The following PRR11 variants were observed in gnomAD, a reference collection of about 807,000 sequenced individuals.
PRR11 encodes the protein proline rich 11, also known as proline-rich protein 11.
A neutral mutation model predicts 45.6 loss-of-function variants in PRR11; 30 were observed. That is an observed-to-expected ratio of 0.66 (90% CI 0.49 to 0.89). The LOEUF (loss-of-function observed/expected upper bound fraction) is 0.89. Ranked by LOEUF, PRR11 falls within the 40% of genes least tolerant of loss-of-function variation. The probability of loss-of-function intolerance (pLI) is 0.00; values close to 1 mark genes in which losing one functional copy is unlikely to be tolerated. For missense variants in PRR11, 373 were observed against 424.8 expected (o/e 0.88, Z 1.07); for synonymous variants, 128 against 153.5 (o/e 0.83, Z 1.23).
chr17:59,192,351 C>T (rs935401566), intron 4 of PRR11, among the ~76,000 whole-genome samples: 2 of 152,064 alleles, frequency 1.3e-5, no homozygotes, highest in African/African-American at 2.4e-5. Context: ...AAGCACTGTG[C>T]GAAAATAAGC....
chr17:59,156,071 A>G (rs906669019), intron 1 of PRR11, among the ~76,000 whole-genome samples: 2 of 152,078 alleles, frequency 1.3e-5, no homozygotes, highest in Non-Finnish European at 2.9e-5. Flanking sequence ...TTCTTTACAT[A>G]TTTGCTGCTC....
At chr17:59,185,584 G>A in intron 4 of PRR11, 22 bp downstream of exon 4, 1 of 1,574,000 alleles carries the variant, frequency 6.4e-7, no homozygotes, top group Non-Finnish European at 8.6e-7. Flanking sequence ...CAAATAAAAA[G>A]CAAATCTGGA....
intron 3 of PRR11, 95 bp from the exon 4 acceptor site, chr17:59,185,345 C>T: frequency 2.0e-6 from 3 of 1,527,306 alleles, no homozygotes; most frequent in Non-Finnish European, 2.7e-6. Flanking sequence ...GCCTTTGCTT[C>T]TATAAAAACA....
In PRR11 at chr17:59,203,201, T is replaced by G. The variant is rs971834671; in HGVS notation, c.*1570T>G. 6.6e-6 allele frequency among the ~76,000 whole-genome samples: 1 copy of G among 152,184 alleles called. No homozygotes were observed. The highest frequency in any genetic ancestry group is 2.4e-5 in the African/African-American group (1 of 41,528). ...TGTTTTTGAGACCCACATCTATATA[T>G]AGAGATTTTTGTTTGTTTGTTTGTT... On this transcript the variant is annotated 3_prime_UTR_variant, in exon 10 of 10. Coordinates refer to ENST00000262293, the MANE Select transcript of PRR11 (RefSeq NM_018304.4).
intron 2 of PRR11, among the ~76,000 whole-genome samples, chr17:59,172,850 C>T (rs767341909): frequency 2.0e-5 from 3 of 152,354 alleles, no homozygotes; most frequent in African/African-American, 4.8e-5. Context: ...TGACGAGCGC[C>T]GCCCCCTGCT....
chr17:59,204,705 CAA>C lies in PRR11; in HGVS notation c.*3087_*3088del, dbSNP rs776227224. ...TGGACAACAGAGTGAGACCCTGTGTCAAAAAAAAAAAAAAGAAAGAAAGAAAG... is the reference window on the plus strand; with the variant it reads ...TGGACAACAGAGTGAGACCCTGTGTCAAAAAAAAAAAAGAAAGAAAGAAAG... On this transcript the variant is annotated 3_prime_UTR_variant, in exon 10 of 10. Transcript: ENST00000262293. 115 of 113,006 alleles carry C rather than the reference CAA, an allele frequency of 1.0e-3. No homozygotes were observed. The highest frequency in any genetic ancestry group is 1.2e-3 in the Non-Finnish European group (66 of 54,630). 7.0% of individuals were successfully genotyped at this position (113,006 alleles called of 1,614,324 possible).
chr17:59,185,213 G>A lies in PRR11; in HGVS notation c.279+9G>A, dbSNP rs757650324. 6 of 1,612,924 alleles carry A rather than the reference G, an allele frequency of 3.7e-6. No individual in the cohort carries two copies. The South Asian group carries it at 4.4e-5, about 12-fold the overall frequency. Reference sequence around the variant, plus strand: ...AGAACTGCATAACCCAGGTATGGATGTGACATCCCTGTTTTCAGTGCTATA... The same window carrying A: ...AGAACTGCATAACCCAGGTATGGATATGACATCCCTGTTTTCAGTGCTATA... On this transcript the variant is annotated intron_variant, in intron 3 of 9. Transcript: ENST00000262293.
intron 4 of PRR11, 101 bp from the exon 5 acceptor site, chr17:59,193,391 A>G: frequency 1.4e-6 from 2 of 1,403,340 alleles, no homozygotes; most frequent in Non-Finnish European, 2.0e-6. Context: ...TGGTACGCTG[A>G]GAAAGCATTC....
intron 2 of PRR11, among the ~76,000 whole-genome samples, chr17:59,172,391 C>G (rs912001977): frequency 2.0e-5 from 3 of 152,262 alleles, no homozygotes; most frequent in Non-Finnish European, 4.4e-5. Context: ...GCTCGCTTTC[C>G]GTGCCTCCTC....
intron 2 of PRR11, chr17:59,174,923 C>T (rs1354373202): frequency 1.9e-6 from 2 of 1,059,984 alleles, no homozygotes; most frequent in Non-Finnish European, 1.4e-6. Flanking sequence ...CACCTGATTC[C>T]TCCCCACCTC....
rs549948875 is a variant in PRR11, at chr17:59,174,656, G to A, written c.128+4776G>A. Among the ~76,000 whole-genome samples the A allele has an allele frequency of 1.2e-4, 18 of 152,206 alleles. No homozygotes were observed. The South Asian group carries it at 3.1e-3, about 26-fold the overall frequency. On this transcript the variant is annotated intron_variant, in intron 2 of 9. Coordinates refer to ENST00000262293, the MANE Select transcript of PRR11 (RefSeq NM_018304.4). ...CGCCATGTTGCCCAGGCTCGAAGCC[G>A]GATCAAGCAATTGGGTTCCTCGGAT...
At chr17:59,156,099 C>A (rs1481276253) in intron 1 of PRR11, among the ~76,000 whole-genome samples, 4 of 152,204 alleles carry the variant, frequency 2.6e-5, no homozygotes, top group African/African-American at 4.8e-5. Context: ...GTCCACAGAT[C>A]AGCGGCATCC....
intron 2 of PRR11, among the ~76,000 whole-genome samples, chr17:59,178,028 C>T (rs1458069433): frequency 6.6e-6 from 1 of 150,466 alleles, no homozygotes; most frequent in East Asian, 2.0e-4. Context: ...CAGGTGGGCA[C>T]CAAGACTCAA....
At position 59,203,285 on chromosome 17, in the gene PRR11, C is replaced by T. The variant is rs1040686965; in HGVS notation, c.*1654C>T. Among the ~76,000 whole-genome samples the T allele has an allele frequency of 2.0e-5, 3 of 152,008 alleles. No homozygotes were observed. Among genetic ancestry groups the T allele is most frequent in the Admixed American group, 2.0e-4 (3 of 15,238 alleles). On this transcript the variant is annotated 3_prime_UTR_variant, in exon 10 of 10. Transcript: ENST00000262293. The stretch of plus-strand genomic sequence containing the variant: ...TGTCACCCAGGCTGGAGTGCAGTGG[C>T]GCAATCTTGGCTCACTGCAACCTCC...
intron 2 of PRR11, among the ~76,000 whole-genome samples, chr17:59,170,908 G>A (rs530416618): frequency 6.6e-6 from 1 of 152,292 alleles, no homozygotes; most frequent in South Asian, 2.1e-4. Context: ...CAGACGCACT[G>A]CATTGTTCTC....
chr17:59,160,315 A>G (rs1345871646), intron 1 of PRR11, among the ~76,000 whole-genome samples: 2 of 152,216 alleles, frequency 1.3e-5, no homozygotes, highest in Non-Finnish European at 2.9e-5. Context: ...GAACCTATGC[A>G]GTATAACTCC....
chr17:59,165,551 G>A (rs1228242781), intron 1 of PRR11, among the ~76,000 whole-genome samples: 1 of 151,954 alleles, frequency 6.6e-6, no homozygotes, highest in East Asian at 2.0e-4. Context: ...CCAGCACTTT[G>A]GGAGGCCAAG....
At chr17:59,185,611 C>A (rs927289658) in intron 4 of PRR11, 49 bp downstream of exon 4, 7 of 1,472,618 alleles carry the variant, frequency 4.8e-6, no homozygotes, top group Non-Finnish European at 4.6e-6. Context: ...TAAGGAGACA[C>A]TTTTTTTGAA....
In PRR11 at chr17:59,187,326, C is replaced by G. The variant is rs117783815; in HGVS notation, c.402+1764C>G. Among the ~76,000 whole-genome samples the G allele has an allele frequency of 7.0e-4, 106 of 152,258 alleles. 4 individuals are homozygous for G. The East Asian group carries it at 0.019, about 28-fold the overall frequency. ...CGGTGGCTTACCCCTGTAATCCCAC[C>G]ACTTTGGAAGACTGAGGAGGGTGGA... On this transcript the variant is annotated intron_variant, in intron 4 of 9. Coordinates refer to ENST00000262293, the MANE Select transcript of PRR11 (RefSeq NM_018304.4).
Sources: allele counts gnomAD v4.1 joint callset (sites outside exome capture counted in the v4.1 genomes callset), GRCh38; gene constraint gnomAD v4.1.1; transcripts MANE v1.5; gene names NCBI Gene and HGNC (gene_info 2026-07-23, HGNC 2026-07-21).